The following GSTA2 variants were observed in gnomAD, a reference collection of about 807,000 sequenced individuals.
GSTA2 encodes the protein glutathione S-transferase alpha 2.
A neutral mutation model predicts 22.4 loss-of-function variants in GSTA2; 27 were observed. The observed-to-expected ratio is 1.21, with a 90% CI of 0.89 to 1.67. GSTA2 has a LOEUF of 1.67. GSTA2 is among the 40% of genes most tolerant of loss of function. GSTA2 has a pLI of 0.00. For synonymous variants in GSTA2, 121 were observed against 86.8 expected (o/e 1.39, Z -2.19); for missense variants, 302 against 260.2 (o/e 1.16, Z -1.11).
rs1762743879 is a variant in GSTA2 at position 52,751,784 on chromosome 6, C to T, written c.415-76G>A. The T allele has an allele frequency of 4.3e-5, 69 of 1,606,240 alleles. 1 individual carries two copies. Among genetic ancestry groups the T allele is most frequent in the Non-Finnish European group, 5.4e-5 (63 of 1,173,958 alleles). ...ACCCCTGCTTCTTTCAGAGCCTCTC[C>T]ACCCTGACTTTCCCCACCTCTGTTG... is the stretch of plus-strand genomic sequence containing the variant. On this transcript the variant is annotated intron_variant, in intron 5 of 6. Coordinates refer to ENST00000493422, the MANE Select transcript of GSTA2 (RefSeq NM_000846.5).
intron 1 of GSTA2, among the ~76,000 whole-genome samples, chr6:52,760,926 T>G (rs185001931): frequency 2.6e-5 from 4 of 152,290 alleles, no homozygotes; most frequent in Non-Finnish European, 5.9e-5. Context: ...ATGGGCTTGT[T>G]TTGAAAGGAC....
intron 1 of GSTA2, among the ~76,000 whole-genome samples, chr6:52,761,961 C>T (rs1158944466): frequency 6.7e-6 from 1 of 150,256 alleles, no homozygotes; most frequent in Non-Finnish European, 1.5e-5. Flanking sequence ...GTAACCCTAC[C>T]CCCAGCCCTG....
At chr6:52,753,468 C>T (rs1018863103) in intron 4 of GSTA2, among the ~76,000 whole-genome samples, 1 of 152,176 alleles carries the variant, frequency 6.6e-6, no homozygotes. Context: ...TCCTTGTCCT[C>T]TCTCATCATT....
At chr6:52,758,110 T>C in intron 1 of GSTA2, 133 bp from the exon 2 acceptor site, 1 of 594,280 alleles carries the variant, frequency 1.7e-6, no homozygotes, top group Non-Finnish European at 3.0e-6. Context: ...GTTGGAGGAG[T>C]TCCCGGAATG....
In GSTA2 at chr6:52,751,643, C is replaced by T. The variant is rs1256381276; in HGVS notation, c.480G>A (p.Leu160=). 3.1e-6 allele frequency: 5 copies of T among 1,614,126 alleles called. No individual in the cohort carries two copies. The South Asian group carries it at 3.3e-5, about 11-fold the overall frequency. The stretch of plus-strand genomic sequence containing the variant: ...CTTCCACGTAGTAGAGAAGTTCCAC[C>T]AGGTGAATGTCAGCCCGGCTCAGCT... ...GNKLSRADIH[L]VELLYYVEEL... The change falls in exon 6 of 7, where the codon CTG becomes CTA. Residue 160 remains leucine, a synonymous_variant. Transcript: ENST00000493422.
chr6:52,754,590 A>G (rs1041985685), intron 4 of GSTA2, among the ~76,000 whole-genome samples: 3 of 152,042 alleles, frequency 2.0e-5, no homozygotes, highest in African/African-American at 7.3e-5. Context: ...ACTCTCACAT[A>G]TTCTATGCCT....
chr6:52,755,387 T>A (rs1371637205), intron 3 of GSTA2, among the ~76,000 whole-genome samples: 1 of 152,082 alleles, frequency 6.6e-6, no homozygotes, highest in East Asian at 1.9e-4. Flanking sequence ...CTAATTTTTG[T>A]ATTTTTAGAA....
In GSTA2 at chr6:52,750,562, T is replaced by G. The variant is rs201083418; in HGVS notation, c.*15A>C. The G allele has an allele frequency of 7.8e-4, 1,261 of 1,613,366 alleles. 21 individuals are homozygous for G. The South Asian group carries it at 0.013, about 16-fold the overall frequency. ...ATACTGGTCTTGCATGTTCTTGACC[T>G]CTATGGCTGGTTTATTAAAACCTGA... On this transcript the variant is annotated 3_prime_UTR_variant, in exon 7 of 7. Transcript: ENST00000493422.
intron 1 of GSTA2, among the ~76,000 whole-genome samples, chr6:52,763,101 TAAAG>T (rs1313719924): frequency 6.6e-6 from 1 of 152,200 alleles, no homozygotes; most frequent in Non-Finnish European, 1.5e-5. Context: ...ACTATATATA[TAAAG>T]AAATTTTTGC....
intron 1 of GSTA2, among the ~76,000 whole-genome samples, chr6:52,760,741 G>A (rs1047588878): frequency 1.8e-4 from 28 of 152,160 alleles, no homozygotes; most frequent in African/African-American, 5.8e-4. Context: ...AGGAGAGGGC[G>A]AGAGGGGAAC....
intron 1 of GSTA2, among the ~76,000 whole-genome samples, chr6:52,761,119 A>C (rs995072314): frequency 2.2e-4 from 34 of 152,174 alleles, no homozygotes; most frequent in African/African-American, 7.0e-4. Flanking sequence ...CTTAGATTAG[A>C]GATAGTTATT....
At position 52,756,325 on chromosome 6, in the gene GSTA2, G is replaced by A. The variant is rs749200927; in HGVS notation, c.88-16C>T. 3.8e-6 allele frequency: 6 copies of A among 1,583,878 alleles called. No homozygotes were observed. In the South Asian group the frequency reaches 4.4e-5, roughly 12 times the overall value. ...TCTCTTCAAACTGGAAGCAGAAACA[G>A]TAAATATGTTCTTGTTAGTTCATTC... On this transcript the variant is annotated splice_polypyrimidine_tract_variant and intron_variant, in intron 2 of 6. Coordinates refer to ENST00000493422, the MANE Select transcript of GSTA2 (RefSeq NM_000846.5).
chr6:52,754,720 G>A (rs1042239196), intron 4 of GSTA2, among the ~76,000 whole-genome samples: 10 of 152,086 alleles, frequency 6.6e-5, no homozygotes, highest in Admixed American at 2.6e-4. Flanking sequence ...AGGGTGCTGT[G>A]TCCATGGACT....
intron 6 of GSTA2, 79 bp downstream of exon 6, chr6:52,751,498 C>G: frequency 6.2e-7 from 1 of 1,607,032 alleles, no homozygotes; most frequent in South Asian, 1.1e-5. Context: ...TCAAAACATG[C>G]TCAGTCCCAG....
At position 52,750,445 on chromosome 6, in the gene GSTA2, T is replaced by C; in HGVS notation, c.*132A>G. The C allele has an allele frequency of 2.5e-6, 2 of 796,168 alleles. No individual in the cohort carries two copies. Among genetic ancestry groups the C allele is most frequent in the Non-Finnish European group, 2.0e-6 (1 of 500,964 alleles). 49.3% of individuals were successfully genotyped at this position (796,168 alleles called of 1,614,324 possible). A position where few individuals can be genotyped will look rare whatever the true frequency, so the allele number is the denominator to read the frequency against. On this transcript the variant is annotated 3_prime_UTR_variant, in exon 7 of 7. Coordinates refer to ENST00000493422, the MANE Select transcript of GSTA2 (RefSeq NM_000846.5). ...AGTGGGTGAATAGGAGTTGTATTATTTAATTAGCATATAATTTGAAAGAGT... is the reference window on the plus strand; with the variant it reads ...AGTGGGTGAATAGGAGTTGTATTATCTAATTAGCATATAATTTGAAAGAGT...
In GSTA2 at chr6:52,751,643, C is replaced by G. The variant is rs1256381276; in HGVS notation, c.480G>C (p.Leu160=). Reference sequence around the variant, plus strand: ...CTTCCACGTAGTAGAGAAGTTCCACCAGGTGAATGTCAGCCCGGCTCAGCT... The same window carrying G: ...CTTCCACGTAGTAGAGAAGTTCCACGAGGTGAATGTCAGCCCGGCTCAGCT... ...GNKLSRADIH[L]VELLYYVEEL... The change falls in exon 6 of 7, where the codon CTG becomes CTC. Residue 160 remains leucine, a synonymous_variant. Transcript: ENST00000493422. 9.9e-6 allele frequency: 16 copies of G among 1,614,008 alleles called. No individual in the cohort carries two copies. Among genetic ancestry groups the G allele is most frequent in the Non-Finnish European group, 1.3e-5 (15 of 1,180,016 alleles).
In GSTA2 at chr6:52,750,303, A is replaced by G. The variant is rs1406954871; in HGVS notation, c.*274T>C. The stretch of plus-strand genomic sequence containing the variant: ...TTCTTGGAAAAGTCAAACAAACCAC[A>G]TAATTTATAGTTTCCATTTTTACTG... On this transcript the variant is annotated 3_prime_UTR_variant, in exon 7 of 7. Coordinates refer to ENST00000493422, the MANE Select transcript of GSTA2 (RefSeq NM_000846.5). 1.4e-5 allele frequency: 4 copies of G among 289,038 alleles called. No homozygotes were observed. Among genetic ancestry groups the G allele is most frequent in the African/African-American group, 2.2e-5 (1 of 45,140 alleles). 17.9% of individuals were successfully genotyped at this position (289,038 alleles called of 1,614,324 possible). A position where few individuals can be genotyped will look rare whatever the true frequency, so the allele number is the denominator to read the frequency against.
intron 6 of GSTA2, among the ~76,000 whole-genome samples, chr6:52,751,156 G>A (rs374723122): frequency 6.6e-6 from 1 of 152,094 alleles, no homozygotes; most frequent in African/African-American, 2.4e-5. Flanking sequence ...TGGAGAGCTG[G>A]GCAGAGAGGA....
chr6:52,750,706 T>C lies in GSTA2; in HGVS notation c.547-7A>G. 1 of 1,612,202 alleles carries C rather than the reference T, an allele frequency of 6.2e-7. No individual in the cohort carries two copies. The highest frequency in any genetic ancestry group is 8.5e-7 in the Non-Finnish European group (1 of 1,179,684). ...TGATTCTGGTTTTCAGGGCCTGTAA[T>C]CCACAAAGCACAGCCTCACTAAAAC... On this transcript the variant is annotated splice_region_variant and splice_polypyrimidine_tract_variant and intron_variant, in intron 6 of 6. Transcript: ENST00000493422.
Sources: allele counts gnomAD v4.1 joint callset (sites outside exome capture counted in the v4.1 genomes callset), GRCh38; gene constraint gnomAD v4.1.1; transcripts MANE v1.5; gene names NCBI Gene and HGNC (gene_info 2026-07-23, HGNC 2026-07-21).